SLC4A4: variants seen among roughly 807,000 people sequenced by gnomAD.
The protein encoded by SLC4A4 is solute carrier family 4 member 4, also known as electrogenic sodium bicarbonate cotransporter 1.
In SLC4A4, 27 loss-of-function variants were observed where a neutral mutation model predicts 111.5. That is an observed-to-expected ratio of 0.24 (90% CI 0.18 to 0.33). The LOEUF (loss-of-function observed/expected upper bound fraction) is 0.33, where lower values mean the gene tolerates loss of function less well. Among genes scored for constraint, SLC4A4 ranks in the 10% least tolerant of loss-of-function variants. The probability of loss-of-function intolerance (pLI) is 1.00; values close to 1 mark genes in which losing one functional copy is unlikely to be tolerated. For missense variants in SLC4A4, 909 were observed against 1,315.5 expected (o/e 0.69, Z 4.78); for synonymous variants, 443 against 463.4 (o/e 0.96, Z 0.57).
intron 6 of SLC4A4, among the ~76,000 whole-genome samples, chr4:71,378,596 G>A (rs947601198): frequency 3.3e-5 from 5 of 152,172 alleles, no homozygotes; most frequent in Admixed American, 1.3e-4. Flanking sequence ...CAGCTCAAGC[G>A]CTAAATACTT....
At chr4:71,208,287 C>T (rs999837244) in intron 1 of SLC4A4, among the ~76,000 whole-genome samples, 5 of 151,882 alleles carry the variant, frequency 3.3e-5, no homozygotes, top group African/African-American at 4.8e-5. Flanking sequence ...AAAAATTTGC[C>T]GGGTGTGGTG....
At chr4:71,329,147 G>T (rs535514058) in intron 3 of SLC4A4, among the ~76,000 whole-genome samples, 4 of 152,024 alleles carry the variant, frequency 2.6e-5, no homozygotes, top group Admixed American at 1.3e-4. Context: ...GTTTGTTTCT[G>T]GGTTCTCTAT....
At chr4:71,443,817 G>C (rs1724989084) in intron 8 of SLC4A4, among the ~76,000 whole-genome samples, 1 of 152,134 alleles carries the variant, frequency 6.6e-6, no homozygotes, top group Non-Finnish European at 1.5e-5. Context: ...TTATCTAAAA[G>C]AAGTAGTTTG....
chr4:71,527,394 G>A (rs1733510038), intron 16 of SLC4A4, among the ~76,000 whole-genome samples: 1 of 152,084 alleles, frequency 6.6e-6, no homozygotes, highest in South Asian at 2.1e-4. Context: ...GAAGAGTTGA[G>A]TATATTCCGA....
intron 2 of SLC4A4, among the ~76,000 whole-genome samples, chr4:71,109,895 C>A (rs1036928999): frequency 6.6e-6 from 1 of 152,128 alleles, no homozygotes; most frequent in Non-Finnish European, 1.5e-5. Flanking sequence ...AAAAATCTAG[C>A]CTTGCTCCCA....
intron 15 of SLC4A4, among the ~76,000 whole-genome samples, chr4:71,488,888 A>ATG (rs66801188): frequency 0.34 from 47,202 of 140,412 alleles, 8,209 homozygotes; most frequent in Middle Eastern, 0.48. Flanking sequence ...AGAAGAAAAA[A>ATG]TGTGTGTGTG....
intron 2 of SLC4A4, among the ~76,000 whole-genome samples, chr4:71,153,290 TG>T (rs1484346288): frequency 6.6e-6 from 1 of 151,882 alleles, no homozygotes; most frequent in East Asian, 1.9e-4. Context: ...ACGTTAAGGG[TG>T]GGTCTGCCTT....
chr4:71,431,439 G>C (rs1723637866), intron 7 of SLC4A4, among the ~76,000 whole-genome samples: 1 of 152,086 alleles, frequency 6.6e-6, no homozygotes, highest in Non-Finnish European at 1.5e-5. Context: ...AAGTGTGCCT[G>C]GTGTGTCTGA....
At chr4:71,339,533 C>A in intron 4 of SLC4A4, 28 bp downstream of exon 4, 1 of 1,608,532 alleles carries the variant, frequency 6.2e-7, no homozygotes, top group Non-Finnish European at 8.5e-7. Flanking sequence ...GTATGTAGTA[C>A]TGACCCAGGG....
intron 1 of SLC4A4, among the ~76,000 whole-genome samples, chr4:71,079,362 ACAT>A (rs1741929935): frequency 6.6e-6 from 1 of 152,180 alleles, no homozygotes; most frequent in Admixed American, 6.5e-5. Context: ...TAGAAGGAAC[ACAT>A]CCTTTTGTGC....
At chr4:71,160,585 G>A (rs536901195) in intron 2 of SLC4A4, among the ~76,000 whole-genome samples, 1 of 151,824 alleles carries the variant, frequency 6.6e-6, no homozygotes, top group South Asian at 2.1e-4. Flanking sequence ...GGAAAGGGGC[G>A]GTAATATGGA....
In SLC4A4 at chr4:71,081,518, A is replaced by G. The variant is rs74937517; in HGVS notation, c.-64-11212A>G. ...AGCTCTTATCTCAGGTACCTCAGCC[A>G]GTGATGCTTTTGCAAAGTGAGAAAA... On this transcript the variant is annotated intron_variant, in intron 1 of 26. Coordinates refer to the SLC4A4 transcript ENST00000649996. 4.3e-3 allele frequency among the ~76,000 whole-genome samples: 658 copies of G among 152,270 alleles called. 16 individuals carry two copies. The highest frequency in any genetic ancestry group is 0.015 in the African/African-American group (634 of 41,490).
intron 1 of SLC4A4, among the ~76,000 whole-genome samples, chr4:71,206,798 GATTATTATT>G (rs368280879): frequency 1.3e-5 from 2 of 150,294 alleles, no homozygotes; most frequent in Admixed American, 6.6e-5. Context: ...CATTCATTTT[GATTATTATT>G]ATTATTATTA....
At chr4:71,157,448 A>G (rs1422192728) in intron 2 of SLC4A4, among the ~76,000 whole-genome samples, 3 of 152,208 alleles carry the variant, frequency 2.0e-5, no homozygotes, top group East Asian at 3.8e-4. Context: ...ATTAAAATAT[A>G]TATTTCTGAA....
chr4:71,167,678 T>C (rs1744818836), intron 2 of SLC4A4, among the ~76,000 whole-genome samples: 1 of 152,242 alleles, frequency 6.6e-6, no homozygotes, highest in Non-Finnish European at 1.5e-5. Flanking sequence ...AAACTTCTTA[T>C]GTTCAAAATA....
At chr4:71,449,784 A>G (rs1017483288) in intron 9 of SLC4A4, among the ~76,000 whole-genome samples, 16 of 152,242 alleles carry the variant, frequency 1.1e-4, no homozygotes, top group African/African-American at 3.9e-4. Context: ...AGATCTGCAT[A>G]AAAGATATGA....
chr4:71,201,206 G>T (rs146520884), intron 1 of SLC4A4, among the ~76,000 whole-genome samples: 14 of 152,302 alleles, frequency 9.2e-5, no homozygotes, highest in African/African-American at 3.4e-4. Context: ...GAGCTGAAGA[G>T]CAAGACAGTA....
Position 71,384,597 on chromosome 4 carries a change from T to C in SLC4A4, c.731-12980T>C, listed in dbSNP as rs374465080. On this transcript the variant is annotated intron_variant, in intron 6 of 25. Coordinates refer to ENST00000264485, the MANE Select transcript of SLC4A4 (RefSeq NM_001098484.3). ...GTTGCAGTGAGGCCAGATCACGCCA[T>C]TGCACTCAAGCCTGGGCGGCACAGC... 7.4e-5 allele frequency among the ~76,000 whole-genome samples: 11 copies of C among 149,400 alleles called. 2 individuals carry two copies. The East Asian group carries it at 1.2e-3, about 16-fold the overall frequency.
At chr4:71,115,390 A>T (rs942762507) in intron 2 of SLC4A4, among the ~76,000 whole-genome samples, 1 of 152,118 alleles carries the variant, frequency 6.6e-6, no homozygotes, top group Non-Finnish European at 1.5e-5. Flanking sequence ...ACAAACAAAC[A>T]AACAAACAAA....
Sources: allele counts gnomAD v4.1 joint callset (sites outside exome capture counted in the v4.1 genomes callset), GRCh38; gene constraint gnomAD v4.1.1; transcripts MANE v1.5; gene names NCBI Gene and HGNC (gene_info 2026-07-23, HGNC 2026-07-21).